SLFN12L: variants seen among roughly 807,000 people sequenced by gnomAD.
SLFN12L encodes the protein schlafen family member 12-like.
A neutral mutation model predicts 34.8 loss-of-function variants in SLFN12L; 34 were observed. The observed-to-expected ratio is 0.98, with a 90% CI of 0.74 to 1.30. The LOEUF is 1.30. Ranked by LOEUF, SLFN12L falls within the 50% of genes most tolerant of loss-of-function variation. The pLI is 0.00. For synonymous variants in SLFN12L, 259 were observed against 247.5 expected (o/e 1.05, Z -0.44); for missense variants, 703 against 696.2 (o/e 1.01, Z -0.11).
At chr17:35,495,553 G>A (rs1179849516) in intron 2 of SLFN12L, among the ~76,000 whole-genome samples, 2 of 152,158 alleles carry the variant, frequency 1.3e-5, no homozygotes, top group Non-Finnish European at 2.9e-5. Flanking sequence ...CAATCCCCCA[G>A]GGCAACGGCC....
chr17:35,480,676 G>A (rs1228465287), intron 2 of SLFN12L, among the ~76,000 whole-genome samples: 1 of 151,738 alleles, frequency 6.6e-6, no homozygotes, highest in Non-Finnish European at 1.5e-5. Flanking sequence ...GGTCTAAGAG[G>A]GTCCAGCAAT....
At chr17:35,512,150 A>ATTTTT (rs34171279) in intron 2 of SLFN12L, among the ~76,000 whole-genome samples, 17 of 69,188 alleles carry the variant, frequency 2.5e-4, no homozygotes, top group South Asian at 6.6e-4. Flanking sequence ...AAAAGAGCTG[A>ATTTTT]TTTTTTTTTT....
At chr17:35,505,123 C>T (rs1351963656) in intron 2 of SLFN12L, among the ~76,000 whole-genome samples, 4 of 152,126 alleles carry the variant, frequency 2.6e-5, no homozygotes, top group African/African-American at 9.7e-5. Context: ...GTCAATATTT[C>T]GGTGGGTGAC....
Position 35,471,919 on chromosome 17 carries a change from C to G in SLFN12L, c.*3004G>C, listed in dbSNP as rs1285198697. Among the ~76,000 whole-genome samples the G allele has an allele frequency of 6.6e-6, 1 of 151,700 alleles. No individual in the cohort carries two copies. Among genetic ancestry groups the G allele is most frequent in the Non-Finnish European group, 1.5e-5 (1 of 67,922 alleles). On this transcript the variant is annotated 3_prime_UTR_variant, in exon 5 of 5. Coordinates refer to ENST00000628453, the MANE Select transcript of SLFN12L (RefSeq NM_001363830.2). Reference sequence around the variant, plus strand: ...CACTTTTCAATGGGGTTGTTTTTTCCTTGTAAATTTGTTTAAGTTCCTTGT... The same window carrying G: ...CACTTTTCAATGGGGTTGTTTTTTCGTTGTAAATTTGTTTAAGTTCCTTGT...
chr17:35,507,387 C>G (rs1915497611), intron 2 of SLFN12L, among the ~76,000 whole-genome samples: 1 of 152,178 alleles, frequency 6.6e-6, no homozygotes, highest in Non-Finnish European at 1.5e-5. Context: ...TAGAAATAAT[C>G]ACTAATAAGA....
In SLFN12L at chr17:35,484,949, C is replaced by T. The variant is rs577524072; in HGVS notation, c.87-4754G>A. On this transcript the variant is annotated intron_variant, in intron 2 of 4. Coordinates refer to ENST00000628453, the MANE Select transcript of SLFN12L (RefSeq NM_001363830.2). ...ATTCAGATTTTCTGTTTTTTCCTGACTCAGTGTTGGTAGGTGATGTGTTTC... is the reference window on the plus strand; with the variant it reads ...ATTCAGATTTTCTGTTTTTTCCTGATTCAGTGTTGGTAGGTGATGTGTTTC... 8.7e-4 allele frequency among the ~76,000 whole-genome samples: 133 copies of T among 152,244 alleles called. 1 individual carries two copies. Among genetic ancestry groups the T allele is most frequent in the African/African-American group, 3.1e-3 (129 of 41,560 alleles).
chr17:35,516,366 C>G (rs1464951365), intron 2 of SLFN12L, among the ~76,000 whole-genome samples: 1 of 152,260 alleles, frequency 6.6e-6, no homozygotes, highest in Non-Finnish European at 1.5e-5. Flanking sequence ...CATTCCATCA[C>G]TTTGATCAGA....
At chr17:35,491,292 A>G (rs1914827579) in intron 2 of SLFN12L, 3 of 701,678 alleles carry the variant, frequency 4.3e-6, no homozygotes, top group Non-Finnish European at 7.2e-6. Flanking sequence ...AAATCATGGA[A>G]CCAGAACATA....
chr17:35,482,282 G>T (rs954954870), intron 2 of SLFN12L, among the ~76,000 whole-genome samples: 3 of 152,232 alleles, frequency 2.0e-5, no homozygotes, highest in African/African-American at 7.2e-5. Flanking sequence ...GAGGTGATTA[G>T]GTTAAAGGGT....
chr17:35,504,004 CCTT>C (rs1434920331), intron 2 of SLFN12L, among the ~76,000 whole-genome samples: 1 of 152,202 alleles, frequency 6.6e-6, no homozygotes, highest in African/African-American at 2.4e-5. Flanking sequence ...AAGTTTAACT[CCTT>C]CTTCTATTCT....
intron 2 of SLFN12L, among the ~76,000 whole-genome samples, chr17:35,501,228 C>A (rs1915284654): frequency 1.3e-5 from 2 of 152,196 alleles, no homozygotes; most frequent in South Asian, 4.1e-4. Flanking sequence ...GGCATTTTCC[C>A]TGGTGGAATG....
chr17:35,502,994 T>A (rs865816000), intron 2 of SLFN12L, among the ~76,000 whole-genome samples: 1 of 152,108 alleles, frequency 6.6e-6, no homozygotes, highest in African/African-American at 2.4e-5. Flanking sequence ...GAAAAAAAGT[T>A]ATAAAAAAAA....
At chr17:35,506,901 T>G (rs540060830) in intron 2 of SLFN12L, among the ~76,000 whole-genome samples, 66 of 152,368 alleles carry the variant, frequency 4.3e-4, no homozygotes, top group Middle Eastern at 3.4e-3. Context: ...TCACCCTTCC[T>G]GTGGGAAGAC....
At position 35,473,617 on chromosome 17, in the gene SLFN12L, T is replaced by C. The variant is rs1361655242; in HGVS notation, c.*1306A>G. The C allele has an allele frequency of 6.6e-6, 1 of 152,200 alleles. No individual in the cohort carries two copies. The highest frequency in any genetic ancestry group is 1.5e-5 in the Non-Finnish European group (1 of 68,032). 9.4% of individuals were successfully genotyped at this position (152,200 alleles called of 1,614,324 possible). On this transcript the variant is annotated 3_prime_UTR_variant, in exon 5 of 5. Coordinates refer to ENST00000628453, the MANE Select transcript of SLFN12L (RefSeq NM_001363830.2). ...GGGATATTGGCCTGAAGTTTTCCTT[T>C]TTTTATTGTGTCCCTACCAGGTTTT...
At chr17:35,495,914 CA>C (rs1915047744) in intron 2 of SLFN12L, among the ~76,000 whole-genome samples, 1 of 147,656 alleles carries the variant, frequency 6.8e-6, no homozygotes, top group East Asian at 2.0e-4. Context: ...CACACACACA[CA>C]CACACACACA....
intron 2 of SLFN12L, chr17:35,510,098 A>G (rs571300822): frequency 1.0e-4 from 16 of 152,384 alleles, no homozygotes; most frequent in African/African-American, 3.6e-4. Context: ...ATGAGATGAT[A>G]GGAAGTACAA....
intron 2 of SLFN12L, among the ~76,000 whole-genome samples, 194 bp downstream of exon 2, chr17:35,522,085 G>A (rs1042685001): frequency 2.6e-5 from 4 of 151,952 alleles, no homozygotes; most frequent in African/African-American, 4.8e-5. Flanking sequence ...AAACCTGCAC[G>A]TTGTGCACAT....
At chr17:35,490,125 A>G in intron 2 of SLFN12L, 1 of 1,605,032 alleles carries the variant, frequency 6.2e-7, no homozygotes, top group South Asian at 1.1e-5. Context: ...ACCGCCGGCA[A>G]CCTCCTCTAC....
rs1913892612 is a variant in SLFN12L at position 35,474,779 on chromosome 17, A to G, written c.*144T>C. On this transcript the variant is annotated 3_prime_UTR_variant, in exon 5 of 5. Transcript: ENST00000628453. ...TCTCTGCTAAAAATACAAAAAAAAA[A>G]AAATTAGCCAGGTGTGGTGGCAGGC... 3 of 818,678 alleles carry G rather than the reference A, an allele frequency of 3.7e-6. No individual in the cohort carries two copies. In the African/African-American group the frequency reaches 5.2e-5, roughly 14 times the overall value. 50.7% of individuals were successfully genotyped at this position (818,678 alleles called of 1,614,324 possible). A position where few individuals can be genotyped will look rare whatever the true frequency, so the allele number is the denominator to read the frequency against.
Sources: allele counts gnomAD v4.1 joint callset (sites outside exome capture counted in the v4.1 genomes callset), GRCh38; gene constraint gnomAD v4.1.1; transcripts MANE v1.5; gene names NCBI Gene and HGNC (gene_info 2026-07-23, HGNC 2026-07-21).